The following ADAMTS7 variants were observed in gnomAD, a reference collection of about 807,000 sequenced individuals.
The protein encoded by ADAMTS7 is ADAM metallopeptidase with thrombospondin type 1 motif 7.
ADAMTS7 carries 89 observed loss-of-function variants against 172.6 expected under a neutral mutation model. The ratio of observed to expected loss-of-function variants is 0.52; its 90% CI spans 0.43 to 0.61. ADAMTS7 has a LOEUF of 0.61. Among genes scored for constraint, ADAMTS7 ranks in the 20% least tolerant of loss-of-function variants. The pLI is 0.00. For missense variants in ADAMTS7, 1,973 were observed against 2,355.6 expected (o/e 0.84, Z 3.36); for synonymous variants, 885 against 978.4 (o/e 0.90, Z 1.78).
chr15:78,785,173 G>T (rs1480053550), intron 8 of ADAMTS7, among the ~76,000 whole-genome samples: 1 of 152,076 alleles, frequency 6.6e-6, no homozygotes, highest in Non-Finnish European at 1.5e-5. Context: ...TGGATTAAAA[G>T]ACATCTTATA....
At position 78,768,163 on chromosome 15, in the gene ADAMTS7, C is replaced by T. The variant is rs770667014; in HGVS notation, c.2615G>A (p.Arg872Lys). 6.3e-7 allele frequency: 1 copy of T among 1,599,898 alleles called. No homozygotes were observed. The highest frequency in any genetic ancestry group is 1.1e-5 in the South Asian group (1 of 89,924). ...DPLGRPDDQQ[R>K]KCSEQPCPAR... The stretch of plus-strand genomic sequence containing the variant: ...AGGGCAGGGCTGCTCGCTGCACTTC[C>T]TCTGTTGGTCATCAGGCCGGCCCAG... Residue 872 changes from arginine to lysine, a missense_variant, in exon 17 of 24, where the codon AGG becomes AAG. By Grantham distance (26) the Arg-to-Lys change is conservative. Around this residue, in one of 8 missense-constraint regions of ADAMTS7, gnomAD observed 771 missense variants for 952.6 expected, o/e 0.81. Transcript: ENST00000388820.
At position 78,766,607 on chromosome 15, in the gene ADAMTS7, G is replaced by T; in HGVS notation, c.3304C>A (p.Pro1102Thr). ...GDRTPPPHSH[P>T]AAPSTGSPVP... ...GGGCTACCCGTGGAGGGCGCAGCAG[G>T]ATGGCTGTGTGGTGGGGGTGTCCGG... Residue 1102 changes from proline (P) to threonine (T), a missense_variant, in exon 19 of 24, where the codon CCT becomes ACT. Physicochemically the swap from Pro to Thr is conservative, Grantham distance 38. Transcript: ENST00000388820. The T allele has an allele frequency of 2.5e-6, 4 of 1,607,014 alleles. No homozygotes were observed. The highest frequency in any genetic ancestry group is 2.3e-4 in the Middle Eastern group (1 of 4,402).
At chr15:78,795,369 C>T (rs1456632737) in intron 4 of ADAMTS7, among the ~76,000 whole-genome samples, 1 of 152,212 alleles carries the variant, frequency 6.6e-6, no homozygotes, top group African/African-American at 2.4e-5. Context: ...AACAGGGAGC[C>T]AATGAGGGTG....
chr15:78,792,829 AAGAAAGAGAGAAAG>A (rs2055598683), intron 4 of ADAMTS7, among the ~76,000 whole-genome samples: 1 of 152,094 alleles, frequency 6.6e-6, no homozygotes, highest in South Asian at 2.1e-4. Context: ...GAAAGAAAGA[AAGAAAGAGAGAAAG>A]AGAGAGAGAG....
At chr15:78,789,629 C>T (rs1237669716) in intron 7 of ADAMTS7, 60 bp downstream of exon 7, 12 of 1,594,030 alleles carry the variant, frequency 7.5e-6, no homozygotes, top group Non-Finnish European at 1.0e-5. Context: ...ATACCCGGTG[C>T]CCCCAGGCTG....
At chr15:78,776,464 C>T (rs934732561) in intron 10 of ADAMTS7, 131 bp from the exon 11 acceptor site, 1 of 1,333,262 alleles carries the variant, frequency 7.5e-7, no homozygotes, top group Non-Finnish European at 1.0e-6. Context: ...AGAGAGGCAC[C>T]CTCACAATCA....
At chr15:78,767,666 A>G (rs2055179560) in intron 17 of ADAMTS7, 74 bp from the exon 18 acceptor site, 1 of 1,389,676 alleles carries the variant, frequency 7.2e-7, no homozygotes, top group African/African-American at 1.4e-5. Context: ...AGGGGGGGCC[A>G]GGCTGGGCTT....
intron 8 of ADAMTS7, 92 bp from the exon 9 acceptor site, chr15:78,777,680 G>A (rs542053273): frequency 1.6e-4 from 237 of 1,475,690 alleles, no homozygotes; most frequent in Non-Finnish European, 2.1e-4. Context: ...AGAGGTGGGA[G>A]GGGGCACAGA....
At chr15:78,760,372 G>T (rs1485790578) in intron 23 of ADAMTS7, among the ~76,000 whole-genome samples, 1 of 152,158 alleles carries the variant, frequency 6.6e-6, no homozygotes, top group Non-Finnish European at 1.5e-5. Context: ...CCCGGGCCCT[G>T]CTTACTCCAG....
At position 78,811,135 on chromosome 15, in the gene ADAMTS7, G is replaced by GGGGCGCCGGGAGCCA. The variant is rs1445922240; in HGVS notation, c.71_85dup (p.Leu24_Ala28dup). Reference sequence around the variant, plus strand: ...CGGACACCCACCTGGTGCGGGTCCGGGGGCGCCGGGAGCCAGAGCGCAGAG... The same window carrying GGGGCGCCGGGAGCCA: ...CGGACACCCACCTGGTGCGGGTCCGGGGGCGCCGGGAGCCAGGGCGCCGGGAGCCAGAGCGCAGAG... On this transcript the variant is annotated inframe_insertion, in exon 1 of 24. Transcript: ENST00000388820. 2.3e-5 allele frequency: 28 copies of GGGGCGCCGGGAGCCA among 1,230,416 alleles called. No individual in the cohort carries two copies. Among genetic ancestry groups the GGGGCGCCGGGAGCCA allele is most frequent in the Non-Finnish European group, 2.7e-5 (27 of 986,970 alleles). 76.2% of individuals were successfully genotyped at this position (1,230,416 alleles called of 1,614,324 possible). A position where few individuals can be genotyped will look rare whatever the true frequency, so the allele number is the denominator to read the frequency against.
intron 2 of ADAMTS7, among the ~76,000 whole-genome samples, chr15:78,798,955 G>A (rs1476798576): frequency 9.3e-6 from 1 of 108,098 alleles, no homozygotes. Context: ...CCCCCCTCCC[G>A]CCCACCACTC....
intron 2 of ADAMTS7, among the ~76,000 whole-genome samples, chr15:78,798,874 G>A (rs1312064614): frequency 5.9e-5 from 9 of 152,220 alleles, no homozygotes; most frequent in Admixed American, 5.9e-4. Flanking sequence ...CACAGGACCA[G>A]GGGGCCTGGA....
intron 8 of ADAMTS7, among the ~76,000 whole-genome samples, chr15:78,777,829 T>TC (rs1463791877): frequency 2.6e-5 from 4 of 151,968 alleles, no homozygotes; most frequent in South Asian, 2.1e-4. Flanking sequence ...CCAACCCCAA[T>TC]CCCAGGCCTC....
chr15:78,809,086 G>A (rs2055832445), intron 1 of ADAMTS7, among the ~76,000 whole-genome samples: 1 of 152,120 alleles, frequency 6.6e-6, no homozygotes, highest in Non-Finnish European at 1.5e-5. Context: ...CCTCCTCTGT[G>A]AGTTCTAGTA....
intron 23 of ADAMTS7, among the ~76,000 whole-genome samples, chr15:78,760,475 C>T (rs1020881070): frequency 6.6e-6 from 1 of 152,090 alleles, no homozygotes; most frequent in African/African-American, 2.4e-5. Flanking sequence ...AGGCAGCAGG[C>T]AGGCTCCTCC....
At position 78,764,636 on chromosome 15, in the gene ADAMTS7, G is replaced by A. The variant is rs760216802; in HGVS notation, c.4338C>T (p.Cys1446=). 38 of 1,563,096 alleles carry A rather than the reference G, an allele frequency of 2.4e-5. 1 individual carries two copies. The highest frequency in any genetic ancestry group is 1.0e-4 in the South Asian group (9 of 86,640). ...CAGGCTGGGGCCGGCCAGCGGGGGC[G>A]CAGTCCTCATCCCGGCCGGAGCTAC... ...VRCSSGRDED[C]APAGRPQPAR... The change falls in exon 20 of 24, where the codon TGC becomes TGT. Residue 1446 remains cysteine, a synonymous_variant. Coordinates refer to ENST00000388820, the MANE Select transcript of ADAMTS7 (RefSeq NM_014272.5).
Position 78,763,683 on chromosome 15 carries a change from C to T in ADAMTS7, c.4740+16G>A. ...CCAAGCACTTGCTCCCTGCTCCTCC[C>T]CGCAGCCCGGCTCACCTGGCCCCAG... is the stretch of plus-strand genomic sequence containing the variant. On this transcript the variant is annotated intron_variant, in intron 22 of 23. Transcript: ENST00000388820. The T allele has an allele frequency of 6.6e-7, 1 of 1,520,180 alleles. No homozygotes were observed. The highest frequency in any genetic ancestry group is 8.8e-7 in the Non-Finnish European group (1 of 1,139,038). The allele number at this position is 1,520,180 out of a possible 1,614,324, so 94.2% of individuals were successfully genotyped here. A position where few individuals can be genotyped will look rare whatever the true frequency, so the allele number is the denominator to read the frequency against.
intron 4 of ADAMTS7, among the ~76,000 whole-genome samples, chr15:78,793,926 C>T (rs1013211612): frequency 7.9e-5 from 12 of 152,274 alleles, no homozygotes; most frequent in Admixed American, 7.2e-4. Flanking sequence ...TGACCTTGAG[C>T]GAGCCCCTTG....
At chr15:78,769,317 C>T (rs933770712) in intron 16 of ADAMTS7, among the ~76,000 whole-genome samples, 1 of 152,200 alleles carries the variant, frequency 6.6e-6, no homozygotes, top group Non-Finnish European at 1.5e-5. Flanking sequence ...TGCTCCACCC[C>T]CTGCCCCGTG....
Sources: gnomAD v4.1 joint callset for allele counts (sites outside exome capture counted in the v4.1 genomes callset) on GRCh38, gnomAD v4.1.1 for gene constraint, gnomAD v4.1.1 regional missense constraint, MANE v1.5 for transcripts, NCBI Gene and HGNC (gene_info 2026-07-23, HGNC 2026-07-21) for gene names.